Variants in SLC27A3 observed in about 807,000 individuals in gnomAD.
SLC27A3 encodes the protein long-chain fatty acid transport protein 3.
Under a neutral mutation model 60.1 loss-of-function variants are expected in SLC27A3, and 60 were observed. The observed-to-expected ratio is 1.00, with a 90% CI of 0.81 to 1.24. SLC27A3 has a LOEUF of 1.24. Ranked by LOEUF, SLC27A3 falls within the 50% of genes most tolerant of loss-of-function variation. The pLI is 0.00. For missense variants in SLC27A3, 1,079 were observed against 929.9 expected, an observed-to-expected ratio of 1.16 and a Z score of -2.09; for synonymous variants, 455 against 409.0, an observed-to-expected ratio of 1.11 and a Z score of -1.36.
At chr1:153,777,639 C>T (rs1673297411) in intron 3 of SLC27A3, 122 bp from the exon 4 acceptor site, 2 of 1,286,872 alleles carry the variant, frequency 1.6e-6, no homozygotes, top group Non-Finnish European at 2.2e-6. Context: ...GGTGTGACTC[C>T]CACAGTGGGC....
chr1:153,777,038 C>A (rs151180786), intron 2 of SLC27A3, 24 bp from the exon 3 acceptor site: 1 of 1,612,634 alleles, frequency 6.2e-7, no homozygotes, highest in Non-Finnish European at 8.5e-7. Flanking sequence ...TTCCCCTGAT[C>A]GTCCCATAAC....
intron 7 of SLC27A3, 27 bp from the exon 8 acceptor site, chr1:153,779,087 C>T: frequency 1.2e-6 from 2 of 1,611,132 alleles, no homozygotes; most frequent in African/African-American, 1.3e-5. Context: ...CCCTGACTCC[C>T]AGTTTCAGAT....
Position 153,775,643 on chromosome 1 carries a change from G to T in SLC27A3, c.146G>T (p.Arg49Leu). The T allele has an allele frequency of 1.3e-6, 2 of 1,536,698 alleles. No homozygotes were observed. The highest frequency in any genetic ancestry group is 2.4e-5 in the South Asian group (2 of 83,498). The change falls in exon 1 of 10, where the codon CGC (arginine) becomes CTC (leucine). Residue 49 changes from arginine (R) to leucine (L), a missense_variant. Coordinates refer to ENST00000624995, the MANE Select transcript of SLC27A3 (RefSeq NM_024330.4). Reference sequence around the variant, plus strand: ...TGCTGCAAAAGGGCTCTTCGAGCTCGCGCCCTGGCCGCGGCTGCCGCCGAC... The same window carrying T: ...TGCTGCAAAAGGGCTCTTCGAGCTCTCGCCCTGGCCGCGGCTGCCGCCGAC... ...ALCCKRALRARALAAAAADPE... is the reference protein window; with the variant it reads ...ALCCKRALRALALAAAAADPE...
At position 153,779,153 on chromosome 1, in the gene SLC27A3, G is replaced by A. The variant is rs777253499; in HGVS notation, c.1686G>A (p.Glu562=). 21 of 1,614,164 alleles carry A rather than the reference G, an allele frequency of 1.3e-5. No homozygotes were observed. In the South Asian group the frequency reaches 1.8e-4, roughly 14 times the overall value. Residue 562 remains glutamate, a synonymous_variant, in exon 8 of 10, where the codon GAG becomes GAA. Transcript: ENST00000624995. Reference sequence around the variant, plus strand: ...ATGTGGCCACAACCGAGGTGGCAGAGGTCTTCGAGGCCCTAGATTTTCTTC... The same window carrying A: ...ATGTGGCCACAACCGAGGTGGCAGAAGTCTTCGAGGCCCTAGATTTTCTTC... ...GENVATTEVA[E]VFEALDFLQE...
At position 153,776,139 on chromosome 1, in the gene SLC27A3, C is replaced by A; in HGVS notation, c.642C>A (p.Gly214=). Residue 214 remains glycine, a synonymous_variant, in exon 1 of 10, where the codon GGC becomes GGA. Transcript: ENST00000624995. The part of the protein sequence containing the change: ...GPLLHCLRSC[G]ARALVLAPEF... ...TGCTGCACTGCCTCCGCAGCTGCGGCGCGCGCGCGCTGGTGCTGGCGCCAG... is the reference window on the plus strand; with the variant it reads ...TGCTGCACTGCCTCCGCAGCTGCGGAGCGCGCGCGCTGGTGCTGGCGCCAG... The A allele has an allele frequency of 2.1e-6, 3 of 1,398,896 alleles. No homozygotes were observed. Among genetic ancestry groups the A allele is most frequent in the Non-Finnish European group, 1.8e-6 (2 of 1,084,756 alleles). The allele number at this position is 1,398,896 out of a possible 1,614,324, so 86.7% of individuals were successfully genotyped here.
Position 153,777,813 on chromosome 1 carries a change from T to A in SLC27A3, c.1089T>A (p.Asp363Glu), listed in dbSNP as rs764962845. The part of the protein sequence containing the change: ...SKFSAGQFWE[D>E]CQQHRVTVFQ... ...TCTCGGCTGGTCAGTTCTGGGAAGA[T>A]TGCCAGCAGCACAGGGTGACGGTGT... The change falls in exon 4 of 10, where the codon GAT becomes GAA. Residue 363 changes from aspartate (D) to glutamate (E), a missense_variant. Physicochemically the swap from Asp to Glu is conservative, Grantham distance 45. Coordinates refer to ENST00000624995, the MANE Select transcript of SLC27A3 (RefSeq NM_024330.4). The A allele has an allele frequency of 1.2e-6, 2 of 1,614,198 alleles. No individual in the cohort carries two copies. Among genetic ancestry groups the A allele is most frequent in the Non-Finnish European group, 1.7e-6 (2 of 1,180,032 alleles).
In SLC27A3 at chr1:153,779,128, A is replaced by T. The variant is rs1377101686; in HGVS notation, c.1661A>T (p.Asn554Ile). The T allele has an allele frequency of 6.2e-7, 1 of 1,614,114 alleles. No homozygotes were observed. The highest frequency in any genetic ancestry group is 2.2e-5 in the East Asian group (1 of 44,880). The part of the protein sequence containing the change: ...TGDTFRWKGE[N>I]VATTEVAEVF... ...CTCTCTGACAGGTGGAAGGGGGAGA[A>T]TGTGGCCACAACCGAGGTGGCAGAG... Residue 554 changes from asparagine to isoleucine, a missense_variant, in exon 8 of 10, where the codon AAT becomes ATT. Asn to Ile is a moderately radical substitution (Grantham distance 149). Transcript: ENST00000624995.
chr1:153,778,469 T>A lies in SLC27A3; in HGVS notation c.1363T>A (p.Phe455Ile), dbSNP rs777383360. ...CAGGTCTCCCTTTCCCCAGCATATC[T>A]TCCCCTTCTCCTTGATTCGCTATGA... ...GRASWLYKHI[F>I]PFSLIRYDVT... is the part of the protein sequence containing the mutation. Residue 455 changes from phenylalanine (F) to isoleucine (I), a missense_variant, in exon 6 of 10, where the codon TTC (phenylalanine) becomes ATC (isoleucine). Transcript: ENST00000624995. 34 of 1,614,030 alleles carry A rather than the reference T, an allele frequency of 2.1e-5. No individual in the cohort carries two copies. Among genetic ancestry groups the A allele is most frequent in the Non-Finnish European group, 2.8e-5 (33 of 1,179,996 alleles).
chr1:153,778,400 G>A (rs772666148), intron 5 of SLC27A3, 45 bp downstream of exon 5: 1 of 1,613,650 alleles, frequency 6.2e-7, no homozygotes, highest in Non-Finnish European at 8.5e-7. Flanking sequence ...ACAGCAGAGG[G>A]CTGGCAGGAG....
At position 153,778,842 on chromosome 1, in the gene SLC27A3, C is replaced by T; in HGVS notation, c.1603C>T (p.Gln535Ter). 6.2e-7 allele frequency: 1 copy of T among 1,614,168 alleles called. No individual in the cohort carries two copies. The highest frequency in any genetic ancestry group is 8.5e-7 in the Non-Finnish European group (1 of 1,180,030). The change falls in exon 7 of 10, where the codon CAA becomes TAA. Residue 535 changes from glutamine to a stop codon, truncating the protein, a stop_gained. Coordinates refer to ENST00000624995, the MANE Select transcript of SLC27A3 (RefSeq NM_024330.4). LOFTEE classifies it high-confidence loss of function. ...NTGDLLVCDD[Q>*]GFLRFHDRTG... ...TGGGGACCTGCTGGTCTGCGATGAC[C>T]AAGGTTTTCTCCGCTTCCATGATCG...
At chr1:153,779,031 A>ACTGACCT in intron 7 of SLC27A3, 83 bp from the exon 8 acceptor site, 1 of 1,494,034 alleles carries the variant, frequency 6.7e-7, no homozygotes, top group Non-Finnish European at 9.3e-7. Context: ...TCCCTGTGAC[A>ACTGACCT]CTGACCTCTG....
At position 153,777,845 on chromosome 1, in the gene SLC27A3, AC is replaced by A; in HGVS notation, c.1122del (p.Tyr374Ter). On this transcript the variant is annotated frameshift_variant, in exon 4 of 10. Coordinates refer to ENST00000624995, the MANE Select transcript of SLC27A3 (RefSeq NM_024330.4). LOFTEE classifies it high-confidence loss of function. Reference protein sequence around the residue: ...CQQHRVTVFQYIGELCRYLVN... With the variant: ...CQQHRVTVFQXIGELCRYLVN... ...CAGCACAGGGTGACGGTGTTCCAGT[AC>A]ATTGGGGAGCTGTGCCGATACCTTG... 5 of 1,614,250 alleles carry A rather than the reference AC, an allele frequency of 3.1e-6. No homozygotes were observed. Among genetic ancestry groups the A allele is most frequent in the Non-Finnish European group, 4.2e-6 (5 of 1,180,050 alleles).
Position 153,776,136 on chromosome 1 carries a change from C to T in SLC27A3, c.639C>T (p.Cys213=), listed in dbSNP as rs1366818586. 4.9e-6 allele frequency: 7 copies of T among 1,436,422 alleles called. No homozygotes were observed. Among genetic ancestry groups the T allele is most frequent in the Non-Finnish European group, 6.3e-6 (7 of 1,108,080 alleles). The allele number at this position is 1,436,422 out of a possible 1,614,324, so 89.0% of individuals were successfully genotyped here. Residue 213 remains cysteine, a synonymous_variant, in exon 1 of 10, where the codon TGC becomes TGT. Transcript: ENST00000624995. ...CCCTGCTGCACTGCCTCCGCAGCTG[C>T]GGCGCGCGCGCGCTGGTGCTGGCGC... ...RGPLLHCLRS[C]GARALVLAPE... is the part of the protein sequence containing the mutation.
rs766896776 is a variant in SLC27A3, at chr1:153,775,701, C to T, written c.204C>T (p.Ala68=). ...PEGPEGGCSL[A]WRLAELAQQR... ...GTCCCGAGGGGGGCTGCAGCCTGGC[C>T]TGGCGCCTCGCGGAACTGGCCCAGC... The change falls in exon 1 of 10, where the codon GCC becomes GCT. Residue 68 remains alanine, a synonymous_variant. Transcript: ENST00000624995. The T allele has an allele frequency of 1.3e-6, 2 of 1,526,822 alleles. No individual in the cohort carries two copies. The highest frequency in any genetic ancestry group is 2.1e-5 in the Admixed American group (1 of 46,646). The allele number at this position is 1,526,822 out of a possible 1,614,324, so 94.6% of individuals were successfully genotyped here.
chr1:153,779,627 CA>C, intron 9 of SLC27A3, 154 bp downstream of exon 9: 1 of 994,674 alleles, frequency 1.0e-6, no homozygotes, highest in South Asian at 1.6e-5. Context: ...CACGGAGACA[CA>C]AGCTCTTCAC....
In SLC27A3 at chr1:153,776,120, A is replaced by G. The variant is rs550497581; in HGVS notation, c.623A>G (p.His208Arg). 14 of 1,464,300 alleles carry G rather than the reference A, an allele frequency of 9.6e-6. No homozygotes were observed. The African/African-American group carries it at 1.0e-4, about 11-fold the overall frequency. 90.7% of individuals were successfully genotyped at this position (1,464,300 alleles called of 1,614,324 possible). A position where few individuals can be genotyped will look rare whatever the true frequency, so the allele number is the denominator to read the frequency against. Residue 208 changes from histidine to arginine, a missense_variant, in exon 1 of 10, where the codon CAC (histidine) becomes CGC (arginine). His to Arg is a conservative substitution (Grantham distance 29). Transcript: ENST00000624995. ...PTALRRGPLL[H>R]CLRSCGARAL... Reference sequence around the variant, plus strand: ...GCCCTGCGCCGGGGCCCCCTGCTGCACTGCCTCCGCAGCTGCGGCGCGCGC... The same window carrying G: ...GCCCTGCGCCGGGGCCCCCTGCTGCGCTGCCTCCGCAGCTGCGGCGCGCGC...
intron 5 of SLC27A3, 42 bp from the exon 6 acceptor site, chr1:153,778,421 T>C: frequency 1.2e-6 from 2 of 1,613,110 alleles, no homozygotes; most frequent in Non-Finnish European, 1.7e-6. Flanking sequence ...AGGGGGCTCA[T>C]GTGACTGCAA....
At chr1:153,776,379 G>C in intron 1 of SLC27A3, 139 bp from the exon 2 acceptor site, 1 of 1,294,860 alleles carries the variant, frequency 7.7e-7, no homozygotes, top group Non-Finnish European at 1.1e-6. Context: ...CGAGTTCCAG[G>C]CCTCAGACCC....
Position 153,779,464 on chromosome 1 carries a change from C to T in SLC27A3, c.1866C>T (p.Leu622=), listed in dbSNP as rs1673425688. ...CACCTTATGCCCGGCCCCGATTCCT[C>T]AGGCTCCAGGTAACCGGCCACTTCC... The part of the protein sequence containing the change: ...NLPPYARPRF[L]RLQESLATTE... The change falls in exon 9 of 10, where the codon CTC becomes CTT. Residue 622 remains leucine, a synonymous_variant. Coordinates refer to ENST00000624995, the MANE Select transcript of SLC27A3 (RefSeq NM_024330.4). 2.5e-6 allele frequency: 4 copies of T among 1,613,190 alleles called. No individual in the cohort carries two copies. Among genetic ancestry groups the T allele is most frequent in the Non-Finnish European group, 3.4e-6 (4 of 1,179,874 alleles).
Sources: gnomAD v4.1 joint callset for allele counts on GRCh38, gnomAD v4.1.1 for gene constraint, MANE v1.5 for transcripts, NCBI Gene and HGNC (gene_info 2026-07-23, HGNC 2026-07-21) for gene names.